Variants in NPR3 observed in about 807,000 individuals in gnomAD.
NPR3 encodes the protein atrial natriuretic peptide receptor 3.
Under a neutral mutation model 54.5 loss-of-function variants are expected in NPR3, and 34 were observed. The observed-to-expected ratio is 0.62, with a 90% CI of 0.47 to 0.83. NPR3 has a LOEUF of 0.83. Among genes scored for constraint, NPR3 ranks in the 40% least tolerant of loss-of-function variants. NPR3 has a pLI of 0.00. For synonymous variants in NPR3, 289 were observed against 297.1 expected, an observed-to-expected ratio of 0.97 and a Z score of 0.28; for missense variants, 674 against 720.8, an observed-to-expected ratio of 0.94 and a Z score of 0.74.
In NPR3 at chr5:32,711,804, T is replaced by C; in HGVS notation, c.28T>C (p.Ser10Pro). ...GCCGTCTCTGCTGGTGCTCACTTTCTCCCCGTGCGTACTACTCGGCTGGGC... is the reference window on the plus strand; with the variant it reads ...GCCGTCTCTGCTGGTGCTCACTTTCCCCCCGTGCGTACTACTCGGCTGGGC... MPSLLVLTF[S>P]PCVLLGWALL... The change falls in exon 1 of 8, where the codon TCC (serine) becomes CCC (proline). Residue 10 changes from serine (S) to proline (P), a missense_variant. Ser to Pro is a moderately conservative substitution (Grantham distance 74). Transcript: ENST00000265074. 1 of 1,442,170 alleles carries C rather than the reference T, an allele frequency of 6.9e-7. No individual in the cohort carries two copies. The highest frequency in any genetic ancestry group is 3.0e-5 in the Admixed American group (1 of 32,966). 89.3% of individuals were successfully genotyped at this position (1,442,170 alleles called of 1,614,324 possible). A position where few individuals can be genotyped will look rare whatever the true frequency, so the allele number is the denominator to read the frequency against.
chr5:32,737,327 C>T (rs1739802663), intron 2 of NPR3, among the ~76,000 whole-genome samples: 1 of 152,178 alleles, frequency 6.6e-6, no homozygotes, highest in African/African-American at 2.4e-5. Context: ...GTGGTGGAGA[C>T]TGTATTTACA....
chr5:32,709,068 G>T (rs1738077226), upstream of NPR3, among the ~76,000 whole-genome samples: 1 of 152,068 alleles, frequency 6.6e-6, no homozygotes, highest in Non-Finnish European at 1.5e-5. Flanking sequence ...TTACTTAAGC[G>T]CACTGCCCTG....
chr5:32,714,525 G>GTTCTTTTTTTTTTTT (rs1738448580), intron 1 of NPR3, among the ~76,000 whole-genome samples: 1 of 147,542 alleles, frequency 6.8e-6, no homozygotes, highest in Non-Finnish European at 1.5e-5. Context: ...TTTTTTCCAA[G>GTTCTTTTTTTTTTTT]TTTGCATTGA....
chr5:32,747,239 C>T (rs902834274), intron 3 of NPR3, among the ~76,000 whole-genome samples: 1 of 152,136 alleles, frequency 6.6e-6, no homozygotes, highest in African/African-American at 2.4e-5. Context: ...GATATTATCT[C>T]TTGACTTCCT....
intron 3 of NPR3, among the ~76,000 whole-genome samples, chr5:32,768,583 G>C (rs535891355): frequency 3.9e-5 from 6 of 152,260 alleles, no homozygotes; most frequent in African/African-American, 1.4e-4. Context: ...TGTGCCAGCT[G>C]TGTGACCCTC....
intron 1 of NPR3, among the ~76,000 whole-genome samples, chr5:32,717,168 G>A (rs1738603047): frequency 6.6e-6 from 1 of 152,084 alleles, no homozygotes; most frequent in South Asian, 2.1e-4. Flanking sequence ...CCATTTCCCT[G>A]CAAAGGACAT....
intron 2 of NPR3, among the ~76,000 whole-genome samples, chr5:32,725,284 G>T (rs535597562): frequency 1.3e-5 from 2 of 151,978 alleles, no homozygotes; most frequent in Non-Finnish European, 2.9e-5. Context: ...AAAACAAGAG[G>T]GTTGTGAGAA....
At chr5:32,757,109 A>G (rs1740887405) in intron 3 of NPR3, among the ~76,000 whole-genome samples, 1 of 152,132 alleles carries the variant, frequency 6.6e-6, no homozygotes, top group South Asian at 2.1e-4. Flanking sequence ...TTCCATATGA[A>G]CTTTAAAGTA....
At chr5:32,724,897 G>A in intron 2 of NPR3, 77 bp downstream of exon 2, 1 of 1,514,346 alleles carries the variant, frequency 6.6e-7, no homozygotes, top group Admixed American at 1.7e-5. Context: ...TGGTGGGTTG[G>A]ATAAATAATA....
At chr5:32,778,637 G>A (rs1049317453) in intron 4 of NPR3, among the ~76,000 whole-genome samples, 3 of 152,152 alleles carry the variant, frequency 2.0e-5, no homozygotes, top group African/African-American at 4.8e-5. Flanking sequence ...ACAGAAATAG[G>A]GTGGAAAGTC....
In NPR3 at chr5:32,789,236, T is replaced by C. The variant is rs1350834479; in HGVS notation, c.*2891T>C. On this transcript the variant is annotated 3_prime_UTR_variant, in exon 8 of 8. Coordinates refer to ENST00000265074, the MANE Select transcript of NPR3 (RefSeq NM_001204375.2). ...AAAATGCGTAGATGCTTTTTGGTGT[T>C]GGAAATAAGTGTCTGTCTTATGGTC... 3.2e-6 allele frequency: 1 copy of C among 316,624 alleles called. No homozygotes were observed. Among genetic ancestry groups the C allele is most frequent in the Non-Finnish European group, 6.4e-6 (1 of 157,190 alleles). The allele number at this position is 316,624 out of a possible 1,614,324, so 19.6% of individuals were successfully genotyped here.
chr5:32,716,996 A>AAACCCCCCCCC (rs1561079842), intron 1 of NPR3, among the ~76,000 whole-genome samples: 2 of 109,670 alleles, frequency 1.8e-5, no homozygotes, highest in Non-Finnish European at 1.8e-5. Context: ...CCATCCCCCA[A>AAACCCCCCCCC]CCCCCCCACC....
intron 1 of NPR3, among the ~76,000 whole-genome samples, chr5:32,691,108 A>G (rs538917977): frequency 6.6e-6 from 1 of 152,304 alleles, no homozygotes; most frequent in African/African-American, 2.4e-5. Flanking sequence ...AAGTAAATAA[A>G]TGGTTGCTGT....
At chr5:32,714,064 G>C (rs532823552) in intron 1 of NPR3, among the ~76,000 whole-genome samples, 16 of 152,364 alleles carry the variant, frequency 1.1e-4, no homozygotes, top group Admixed American at 1.0e-3. Context: ...CAGCCTCCAC[G>C]GGGGTGTCTG....
Position 32,774,844 on chromosome 5 carries a change from G to A in NPR3, c.1195+1G>A, listed in dbSNP as rs750539438. 6.2e-7 allele frequency: 1 copy of A among 1,610,436 alleles called. No homozygotes were observed. The highest frequency in any genetic ancestry group is 1.7e-5 in the Admixed American group (1 of 60,012). On this transcript the variant is annotated splice_donor_variant, in intron 4 of 7. Coordinates refer to ENST00000265074, the MANE Select transcript of NPR3 (RefSeq NM_001204375.2). LOFTEE classifies it high-confidence loss of function. ...CAGACTTGGAACAGAACATTTGAAG[G>A]TGGGGATTCCATCTATAAGGCAATT...
intron 1 of NPR3, chr5:32,713,376 C>T (rs1334513099): frequency 1.4e-5 from 14 of 985,462 alleles, no homozygotes; most frequent in African/African-American, 1.7e-5. Flanking sequence ...AGGATGGTGG[C>T]TATGGCTTCG....
intron 3 of NPR3, among the ~76,000 whole-genome samples, chr5:32,762,839 G>A (rs1269610589): frequency 6.6e-6 from 1 of 152,162 alleles, no homozygotes; most frequent in South Asian, 2.1e-4. Flanking sequence ...AGTTTGATTA[G>A]ATCCGATTTG....
intron 5 of NPR3, 27 bp from the exon 6 acceptor site, chr5:32,782,866 G>A (rs374429317): frequency 1.3e-6 from 2 of 1,578,666 alleles, no homozygotes; most frequent in African/African-American, 2.7e-5. Context: ...TTTTTGGTTT[G>A]TCTATTTGTT....
intron 3 of NPR3, 129 bp from the exon 4 acceptor site, chr5:32,774,579 C>T: frequency 1.4e-6 from 1 of 712,226 alleles, no homozygotes; most frequent in Non-Finnish European, 2.6e-6. Flanking sequence ...TTGTCAGTAC[C>T]CCTTCTGCCC....
Sources: allele counts gnomAD v4.1 joint callset (sites outside exome capture counted in the v4.1 genomes callset), GRCh38; gene constraint gnomAD v4.1.1; transcripts MANE v1.5; gene names NCBI Gene and HGNC (gene_info 2026-07-23, HGNC 2026-07-21).